The following CTNNA3 variants were observed in gnomAD, a reference collection of about 807,000 sequenced individuals.
CTNNA3 encodes catenin alpha 3.
In CTNNA3, 76 loss-of-function variants were observed where a neutral mutation model predicts 95.7. The ratio of observed to expected loss-of-function variants is 0.79; its 90% CI spans 0.66 to 0.96. CTNNA3 has a LOEUF of 0.96. CTNNA3 is among the 40% of genes least tolerant of loss of function. The pLI is 0.00. For missense variants in CTNNA3, 1,191 were observed against 1,089.8 expected (o/e 1.09, Z -1.31); for synonymous variants, 431 against 374.4 (o/e 1.15, Z -1.74).
chr10:67,584,183 TC>T (rs1303688601), intron 3 of CTNNA3, among the ~76,000 whole-genome samples: 2 of 152,226 alleles, frequency 1.3e-5, no homozygotes, highest in Non-Finnish European at 2.9e-5. Flanking sequence ...TCTGGTTTCT[TC>T]CCATCTTTGT....
intron 7 of CTNNA3, among the ~76,000 whole-genome samples, chr10:66,815,317 T>TC (rs1320318343): frequency 6.6e-6 from 1 of 152,040 alleles, no homozygotes; most frequent in Non-Finnish European, 1.5e-5. Context: ...CCTATTCCCA[T>TC]CCCCTCCCTT....
chr10:66,584,624 A>C (rs1267211551), intron 10 of CTNNA3, among the ~76,000 whole-genome samples: 1 of 151,882 alleles, frequency 6.6e-6, no homozygotes, highest in Non-Finnish European at 1.5e-5. Context: ...TTGGCTTGCA[A>C]ATTTTTAAAA....
At chr10:66,234,734 C>G (rs1240973427) in intron 13 of CTNNA3, among the ~76,000 whole-genome samples, 1 of 152,170 alleles carries the variant, frequency 6.6e-6, no homozygotes, top group Non-Finnish European at 1.5e-5. Context: ...ATCCCTTCCT[C>G]TTATTATTTA....
At chr10:66,364,396 G>T (rs1026543918) in intron 12 of CTNNA3, among the ~76,000 whole-genome samples, 5 of 151,640 alleles carry the variant, frequency 3.3e-5, no homozygotes, top group African/African-American at 1.2e-4. Flanking sequence ...AAAAATTATT[G>T]AATAAAAAAA....
chr10:66,354,193 G>C (rs1233615421), intron 12 of CTNNA3, among the ~76,000 whole-genome samples: 1 of 151,926 alleles, frequency 6.6e-6, no homozygotes, highest in Non-Finnish European at 1.5e-5. Flanking sequence ...CTGAGGCAGG[G>C]AGAATCGCTT....
intron 5 of CTNNA3, among the ~76,000 whole-genome samples, chr10:67,300,628 A>G (rs1051743601): frequency 1.3e-5 from 2 of 152,206 alleles, no homozygotes; most frequent in Non-Finnish European, 2.9e-5. Flanking sequence ...TCAGGCTTCA[A>G]TTAATATATT....
At chr10:67,621,697 C>G (rs1213866517) in intron 2 of CTNNA3, among the ~76,000 whole-genome samples, 4 of 148,364 alleles carry the variant, frequency 2.7e-5, no homozygotes, top group African/African-American at 7.5e-5. Flanking sequence ...TGCAGTGAGC[C>G]AAGATCGAGC....
Position 66,069,445 on chromosome 10 carries a change from A to G in CTNNA3, c.2022T>C (p.Ala674=). The G allele has an allele frequency of 1.9e-6, 3 of 1,613,434 alleles. No individual in the cohort carries two copies. The highest frequency in any genetic ancestry group is 2.5e-6 in the Non-Finnish European group (3 of 1,179,694). ...QLPEAEKEKI[A]EQVADFKKVK... ...CTTTCTTGAAATCAGCAACTTGCTC[A>G]GCAATCTTTTCTTTTTCTGCCTCAG... The change falls in exon 15 of 18, where the codon GCT becomes GCC. Residue 674 remains alanine, a synonymous_variant. Coordinates refer to ENST00000433211, the MANE Select transcript of CTNNA3 (RefSeq NM_013266.4).
At chr10:66,846,933 C>G (rs1843304265) in intron 7 of CTNNA3, among the ~76,000 whole-genome samples, 1 of 152,220 alleles carries the variant, frequency 6.6e-6, no homozygotes. Flanking sequence ...GTAGTCCCCA[C>G]TCAGCTTTCA....
chr10:66,073,060 C>CAGAATCTAAAAACG (rs1434807986), intron 14 of CTNNA3, among the ~76,000 whole-genome samples: 1 of 151,736 alleles, frequency 6.6e-6, no homozygotes, highest in Admixed American at 6.6e-5. Flanking sequence ...CACTCATATG[C>CAGAATCTAAAAACG]AGAATCTAAA....
chr10:66,075,956 ATT>A (rs1233886337), intron 14 of CTNNA3, among the ~76,000 whole-genome samples: 5 of 151,726 alleles, frequency 3.3e-5, no homozygotes, highest in Admixed American at 6.6e-5. Context: ...TAGAAATATT[ATT>A]TTGTTAATAA....
chr10:66,629,338 T>A (rs1220295638), intron 9 of CTNNA3, among the ~76,000 whole-genome samples: 1 of 152,008 alleles, frequency 6.6e-6, no homozygotes, highest in Non-Finnish European at 1.5e-5. Flanking sequence ...TAATACTCAC[T>A]CTCTCATTCT....
intron 14 of CTNNA3, among the ~76,000 whole-genome samples, chr10:66,099,129 T>C (rs1184751481): frequency 3.3e-5 from 5 of 152,210 alleles, no homozygotes. Flanking sequence ...AGAGTCTGCA[T>C]GATCCAAGAA....
chr10:65,988,065 T>C (rs556069184), intron 16 of CTNNA3, among the ~76,000 whole-genome samples: 1 of 152,192 alleles, frequency 6.6e-6, no homozygotes, highest in Non-Finnish European at 1.5e-5. Context: ...AATAAGTTGG[T>C]TAAAGGTACA....
chr10:66,205,284 A>T (rs2087687878), intron 13 of CTNNA3, among the ~76,000 whole-genome samples: 1 of 152,114 alleles, frequency 6.6e-6, no homozygotes, highest in Non-Finnish European at 1.5e-5. Context: ...CCATTTTTTT[A>T]AAATCATCAA....
chr10:67,653,796 A>G (rs1193839851), intron 1 of CTNNA3, among the ~76,000 whole-genome samples: 1 of 152,072 alleles, frequency 6.6e-6, no homozygotes. Context: ...CATGCTTTGG[A>G]AGTGTCCATG....
intron 7 of CTNNA3, among the ~76,000 whole-genome samples, chr10:66,999,167 T>C (rs6480246): frequency 0.31 from 47,633 of 152,046 alleles, 8,668 homozygotes; most frequent in East Asian, 0.52. Context: ...TTTCAATTGA[T>C]GGTTTGCACT....
At chr10:67,149,456 G>C (rs1464032499) in intron 7 of CTNNA3, among the ~76,000 whole-genome samples, 2 of 152,016 alleles carry the variant, frequency 1.3e-5, no homozygotes, top group Non-Finnish European at 2.9e-5. Context: ...GTGGTGACAG[G>C]CGCCTGTAGT....
At chr10:67,026,677 C>T (rs756737282) in intron 7 of CTNNA3, among the ~76,000 whole-genome samples, 18 of 152,078 alleles carry the variant, frequency 1.2e-4, no homozygotes, top group Non-Finnish European at 2.5e-4. Context: ...CTTCATAAAG[C>T]ATCTCTTTCA....
Sources: gnomAD v4.1 joint callset for allele counts (sites outside exome capture counted in the v4.1 genomes callset) on GRCh38, gnomAD v4.1.1 for gene constraint, MANE v1.5 for transcripts, NCBI Gene and HGNC (gene_info 2026-07-23, HGNC 2026-07-21) for gene names.